Variants in CSMD1 observed in about 807,000 individuals in gnomAD.
CSMD1 encodes CUB and sushi domain-containing protein 1.
CSMD1 carries 213 observed loss-of-function variants against 417.5 expected under a neutral mutation model. That is an observed-to-expected ratio of 0.51 (90% CI 0.46 to 0.57). The LOEUF is 0.57. Among genes scored for constraint, CSMD1 ranks in the 20% least tolerant of loss-of-function variants. The pLI, the probability that CSMD1 is intolerant of heterozygous loss-of-function variation, is 0.00. For missense variants in CSMD1, 6,923 were observed against 4,529.7 expected, an observed-to-expected ratio of 1.53 and a Z score of -15.17; for synonymous variants, 2,862 against 1,736.8, an observed-to-expected ratio of 1.65 and a Z score of -16.11.
chr8:4,713,353 T>G (rs1808431229), intron 1 of CSMD1, among the ~76,000 whole-genome samples: 1 of 151,456 alleles, frequency 6.6e-6, no homozygotes, highest in Non-Finnish European at 1.5e-5. Flanking sequence ...AGCTTTTATC[T>G]TTTTATTAGT....
intron 12 of CSMD1, among the ~76,000 whole-genome samples, chr8:3,451,250 T>C (rs1815693524): frequency 6.6e-6 from 1 of 152,228 alleles, no homozygotes; most frequent in African/African-American, 2.4e-5. Flanking sequence ...AAAACATTTC[T>C]GCCACTCTGT....
chr8:3,767,688 T>C (rs1798353913), intron 5 of CSMD1, among the ~76,000 whole-genome samples: 1 of 152,208 alleles, frequency 6.6e-6, no homozygotes, highest in Non-Finnish European at 1.5e-5. Flanking sequence ...CTATATATTA[T>C]GTATATTATA....
intron 3 of CSMD1, among the ~76,000 whole-genome samples, chr8:4,183,575 A>T (rs1798497750): frequency 6.6e-6 from 1 of 152,184 alleles, no homozygotes; most frequent in South Asian, 2.1e-4. Flanking sequence ...TTAAAATTTG[A>T]ACTTAAGTAA....
At chr8:3,317,467 G>A (rs1171479059) in intron 23 of CSMD1, among the ~76,000 whole-genome samples, 2 of 152,094 alleles carry the variant, frequency 1.3e-5, no homozygotes, top group African/African-American at 4.8e-5. Context: ...TTGTTCTGGT[G>A]CCTGTTTTCT....
intron 3 of CSMD1, among the ~76,000 whole-genome samples, chr8:4,166,687 C>A (rs567756916): frequency 2.0e-5 from 3 of 152,026 alleles, no homozygotes; most frequent in Non-Finnish European, 4.4e-5. Context: ...GCACCAAAAT[C>A]AAGAAAATCA....
At chr8:4,194,567 G>C (rs763970755) in intron 3 of CSMD1, among the ~76,000 whole-genome samples, 5 of 152,028 alleles carry the variant, frequency 3.3e-5, no homozygotes, top group Admixed American at 1.3e-4. Context: ...CAAATAAAAA[G>C]TACGCCATTT....
At chr8:3,216,942 G>C (rs1343252593) in intron 29 of CSMD1, among the ~76,000 whole-genome samples, 1 of 152,166 alleles carries the variant, frequency 6.6e-6, no homozygotes, top group African/African-American at 2.4e-5. Context: ...CACTGCACCA[G>C]GCTTAGATGC....
intron 3 of CSMD1, among the ~76,000 whole-genome samples, chr8:4,333,845 T>G (rs573639769): frequency 2.0e-5 from 3 of 152,206 alleles, no homozygotes; most frequent in East Asian, 3.9e-4. Flanking sequence ...AGCTTTATGG[T>G]GTTTCATCTT....
At chr8:4,575,669 C>A (rs750170779) in intron 2 of CSMD1, among the ~76,000 whole-genome samples, 1 of 152,142 alleles carries the variant, frequency 6.6e-6, no homozygotes, top group Non-Finnish European at 1.5e-5. Context: ...ATAAAATTGT[C>A]TAAATACAGG....
intron 7 of CSMD1, among the ~76,000 whole-genome samples, chr8:3,702,658 C>T (rs548588216): frequency 6.6e-6 from 1 of 152,268 alleles, no homozygotes; most frequent in South Asian, 2.1e-4. Context: ...TGGTGAAACC[C>T]CATATCTACT....
chr8:3,392,799 C>T (rs970710582), intron 17 of CSMD1, among the ~76,000 whole-genome samples: 3 of 152,194 alleles, frequency 2.0e-5, no homozygotes, highest in African/African-American at 4.8e-5. Flanking sequence ...ACCGGGTAAA[C>T]GGGGACACCC....
chr8:3,824,330 T>C (rs772379098), intron 5 of CSMD1, among the ~76,000 whole-genome samples: 2 of 151,504 alleles, frequency 1.3e-5, no homozygotes, highest in Non-Finnish European at 2.9e-5. Context: ...TACTGAGAGG[T>C]TGCCAGATAC....
At chr8:4,525,955 G>A (rs1185535933) in intron 2 of CSMD1, among the ~76,000 whole-genome samples, 1 of 152,118 alleles carries the variant, frequency 6.6e-6, no homozygotes, top group Non-Finnish European at 1.5e-5. Flanking sequence ...TGATAGATCT[G>A]GGTCCTGAAC....
At chr8:3,470,867 C>A (rs12681869) in intron 11 of CSMD1, among the ~76,000 whole-genome samples, 3 of 152,082 alleles carry the variant, frequency 2.0e-5, no homozygotes, top group African/African-American at 7.2e-5. Flanking sequence ...TCCCTTTTAT[C>A]GCTGGGTAGT....
chr8:4,309,340 T>A (rs1004867336), intron 3 of CSMD1, among the ~76,000 whole-genome samples: 3 of 152,094 alleles, frequency 2.0e-5, no homozygotes, highest in Non-Finnish European at 4.4e-5. Flanking sequence ...AGATGAGAAG[T>A]TTTTTTAGGA....
At chr8:4,414,178 T>G (rs537193444) in intron 3 of CSMD1, among the ~76,000 whole-genome samples, 44 of 152,194 alleles carry the variant, frequency 2.9e-4, no homozygotes, top group Non-Finnish European at 8.8e-5. Context: ...AGTAATAATC[T>G]AGCTGCTCTT....
chr8:4,452,138 C>G (rs1799182573), intron 2 of CSMD1, among the ~76,000 whole-genome samples: 1 of 152,144 alleles, frequency 6.6e-6, no homozygotes. Context: ...CAAACACCAG[C>G]TTTCATTGTG....
chr8:4,212,174 T>TTATATATA lies in CSMD1; in HGVS notation c.416-180083_416-180076dup, dbSNP rs10682206. On this transcript the variant is annotated intron_variant, in intron 3 of 69. Coordinates refer to ENST00000635120, the MANE Select transcript of CSMD1 (RefSeq NM_033225.6). ...AAAAAAGACTCTGTCACTTCCCTAT[T>TTATATATA]TATATATATATATATATATATTATT... is the stretch of plus-strand genomic sequence containing the variant. Among the ~76,000 whole-genome samples the TTATATATA allele has an allele frequency of 7.0e-3, 1,025 of 145,740 alleles. 12 individuals carry two copies. Among genetic ancestry groups the TTATATATA allele is most frequent in the African/African-American group, 0.024 (969 of 40,038 alleles).
intron 5 of CSMD1, among the ~76,000 whole-genome samples, chr8:3,922,694 G>A (rs1216682754): frequency 1.3e-5 from 2 of 151,990 alleles, no homozygotes; most frequent in African/African-American, 2.4e-5. Flanking sequence ...TGTATTTTAT[G>A]TTGTTGATAT....
Sources: gnomAD v4.1 joint callset for allele counts (sites outside exome capture counted in the v4.1 genomes callset) on GRCh38, gnomAD v4.1.1 for gene constraint, MANE v1.5 for transcripts, NCBI Gene and HGNC (gene_info 2026-07-23, HGNC 2026-07-21) for gene names.